The following C3AR1 variants were observed in gnomAD, a reference collection of about 807,000 sequenced individuals.
C3AR1 encodes the protein C3a anaphylatoxin chemotactic receptor.
For missense variants in C3AR1, 579 were observed against 583.5 expected (o/e 0.99, Z 0.08); for synonymous variants, 208 against 225.3 (o/e 0.92, Z 0.69).
intron 1 of C3AR1, among the ~76,000 whole-genome samples, chr12:8,064,409 T>C (rs772670799): frequency 6.6e-6 from 1 of 152,056 alleles, no homozygotes; most frequent in Admixed American, 6.5e-5. Context: ...AAAGAAGACA[T>C]GGGCTGGGCA....
At chr12:8,060,793 T>A (rs1317391803) in intron 1 of C3AR1, among the ~76,000 whole-genome samples, 1 of 152,230 alleles carries the variant, frequency 6.6e-6, no homozygotes, top group Non-Finnish European at 1.5e-5. Flanking sequence ...CTCCTCTTTC[T>A]TGTACTTTCA....
At chr12:8,063,247 G>A (rs1947295789) in intron 1 of C3AR1, among the ~76,000 whole-genome samples, 1 of 151,824 alleles carries the variant, frequency 6.6e-6, no homozygotes, top group South Asian at 2.1e-4. Flanking sequence ...TGAGCCACCA[G>A]GCCCGGCCGG....
At chr12:8,062,949 CTTTTTTTTTTT>C (rs71451936) in intron 1 of C3AR1, among the ~76,000 whole-genome samples, 21 of 56,324 alleles carry the variant, frequency 3.7e-4, no homozygotes, top group East Asian at 5.0e-4. Flanking sequence ...GCGCCCGGCC[CTTTTTTTTTTT>C]TTTTTTTTTT....
At position 8,063,670 on chromosome 12, in the gene C3AR1, A is replaced by C. The variant is rs181449849; in HGVS notation, c.-11+2608T>G. On this transcript the variant is annotated intron_variant, in intron 1 of 1. Coordinates refer to ENST00000307637, the MANE Select transcript of C3AR1 (RefSeq NM_004054.4). ...TGTACAATAATTATAATGGCTGTCTAATCTATTATTCTGGATTTAAACTTT... is the reference window on the plus strand; with the variant it reads ...TGTACAATAATTATAATGGCTGTCTCATCTATTATTCTGGATTTAAACTTT... Among the ~76,000 whole-genome samples, 864 of 152,216 alleles carry C rather than the reference A, an allele frequency of 5.7e-3. 8 individuals are homozygous for C. Among genetic ancestry groups the C allele is most frequent in the African/African-American group, 0.02 (821 of 41,512 alleles).
At position 8,056,892 on chromosome 12, in the gene C3AR1, A is replaced by G. The variant is rs1947194798; in HGVS notation, c.*1845T>C. On this transcript the variant is annotated 3_prime_UTR_variant, in exon 2 of 2. Transcript: ENST00000307637. ...AGGACCCATGAGAAAAAAAGCATTT[A>G]TTCATATCAAATATATAAGCAAATT... Among the ~76,000 whole-genome samples the G allele has an allele frequency of 6.6e-6, 1 of 152,228 alleles. No individual in the cohort carries two copies. The highest frequency in any genetic ancestry group is 6.6e-5 in the Admixed American group (1 of 15,264).
chr12:8,059,643 T>C lies in C3AR1; in HGVS notation c.543A>G (p.Ser181=). The part of the protein sequence containing the change: ...RCGYKFGLSS[S]LDYPDFYGDP... ...CTCCATAAAAGTCTGGATAATCTAA[T>C]GAGCTGGAGAGACCAAATTTGTAGC... The change falls in exon 2 of 2, where the codon TCA becomes TCG. Residue 181 remains serine, a synonymous_variant. Coordinates refer to ENST00000307637, the MANE Select transcript of C3AR1 (RefSeq NM_004054.4). The C allele has an allele frequency of 6.2e-7, 1 of 1,614,162 alleles. No homozygotes were observed. The highest frequency in any genetic ancestry group is 8.5e-7 in the Non-Finnish European group (1 of 1,180,012).
chr12:8,064,450 T>C (rs931550794), intron 1 of C3AR1, among the ~76,000 whole-genome samples: 1 of 152,176 alleles, frequency 6.6e-6, no homozygotes, highest in Non-Finnish European at 1.5e-5. Flanking sequence ...CCCAGCACTT[T>C]GGGAAGCCAA....
intron 1 of C3AR1, among the ~76,000 whole-genome samples, chr12:8,065,448 T>A (rs908453983): frequency 5.3e-5 from 8 of 151,846 alleles, no homozygotes; most frequent in Non-Finnish European, 1.0e-4. Flanking sequence ...GTCAGGAGTT[T>A]GAGACCAACC....
At position 8,058,457 on chromosome 12, in the gene C3AR1, A is replaced by G. The variant is rs749705950; in HGVS notation, c.*280T>C. On this transcript the variant is annotated 3_prime_UTR_variant, in exon 2 of 2. Coordinates refer to ENST00000307637, the MANE Select transcript of C3AR1 (RefSeq NM_004054.4). ...AACTAATGTTTACAATGATTCTTAC[A>G]TTTAGCATTAATCAGAAACGAGGGT... 47 of 351,634 alleles carry G rather than the reference A, an allele frequency of 1.3e-4. No homozygotes were observed. The highest frequency in any genetic ancestry group is 9.8e-4 in the African/African-American group (47 of 48,136). 21.8% of individuals were successfully genotyped at this position (351,634 alleles called of 1,614,324 possible).
At chr12:8,062,417 G>A (rs971905378) in intron 1 of C3AR1, among the ~76,000 whole-genome samples, 5 of 151,776 alleles carry the variant, frequency 3.3e-5, no homozygotes, top group African/African-American at 1.2e-4. Flanking sequence ...ATTCTTCCTC[G>A]GCCTCCCGAA....
chr12:8,057,971 G>C lies in C3AR1; in HGVS notation c.*766C>G, dbSNP rs1031618961. Among the ~76,000 whole-genome samples the C allele has an allele frequency of 6.6e-6, 1 of 152,156 alleles. No homozygotes were observed. The highest frequency in any genetic ancestry group is 1.5e-5 in the Non-Finnish European group (1 of 68,032). On this transcript the variant is annotated 3_prime_UTR_variant, in exon 2 of 2. Coordinates refer to ENST00000307637, the MANE Select transcript of C3AR1 (RefSeq NM_004054.4). ...AGGAGTGGAAAATAGGTGCCCAACC[G>C]GTAGGCAGTTAGAAGAAACAGAACT...
Position 8,057,663 on chromosome 12 carries a change from G to T in C3AR1, c.*1074C>A, listed in dbSNP as rs139548603. The stretch of plus-strand genomic sequence containing the variant: ...AGAAAAGGATTTAAAAAACCCAGAA[G>T]ATATATTTGGTAATTTTGGCATGTA... On this transcript the variant is annotated 3_prime_UTR_variant, in exon 2 of 2. Coordinates refer to ENST00000307637, the MANE Select transcript of C3AR1 (RefSeq NM_004054.4). 1.2e-4 allele frequency among the ~76,000 whole-genome samples: 19 copies of T among 152,278 alleles called. No homozygotes were observed. The East Asian group carries it at 3.7e-3, about 29-fold the overall frequency.
Position 8,059,402 on chromosome 12 carries a change from C to G in C3AR1, c.784G>C (p.Ala262Pro), listed in dbSNP as rs1947241754. 9 of 1,613,954 alleles carry G rather than the reference C, an allele frequency of 5.6e-6. No homozygotes were observed. In the East Asian group the frequency reaches 2.0e-4, roughly 36 times the overall value. The change falls in exon 2 of 2, where the codon GCT becomes CCT. Residue 262 changes from alanine to proline, a missense_variant. Physicochemically the swap from Ala to Pro is conservative, Grantham distance 27. Transcript: ENST00000307637. ...QNLYSNVFKP[A>P]DVVSPKIPSG... ...GGGATTTTAGGTGAGACCACATCAG[C>G]AGGTTTAAATACATTAGAATACAGA... is the stretch of plus-strand genomic sequence containing the variant.
At chr12:8,062,133 C>T (rs772371202) in intron 1 of C3AR1, among the ~76,000 whole-genome samples, 4 of 152,184 alleles carry the variant, frequency 2.6e-5, no homozygotes, top group Non-Finnish European at 5.9e-5. Context: ...GAATAATATT[C>T]CATTGTAGGT....
In C3AR1 at chr12:8,057,564, G is replaced by A. The variant is rs1017210311; in HGVS notation, c.*1173C>T. On this transcript the variant is annotated 3_prime_UTR_variant, in exon 2 of 2. Transcript: ENST00000307637. ...AGGAGGGAACTTTTGGGCACAGTGA[G>A]GTAGGAGACCTCATATTTCATTATA... 4.6e-5 allele frequency among the ~76,000 whole-genome samples: 7 copies of A among 152,202 alleles called. No individual in the cohort carries two copies. The highest frequency in any genetic ancestry group is 1.2e-4 in the African/African-American group (5 of 41,512).
intron 1 of C3AR1, among the ~76,000 whole-genome samples, chr12:8,063,328 C>T (rs1286392187): frequency 1.3e-5 from 2 of 152,082 alleles, no homozygotes; most frequent in African/African-American, 2.4e-5. Flanking sequence ...TTCTAAAAAC[C>T]AAATCCAAAC....
chr12:8,059,045 C>G lies in C3AR1; in HGVS notation c.1141G>C (p.Val381Leu). Reference sequence around the variant, plus strand: ...CAGACAAGAAAGACAGCCACCACCACCACGGCCACTCGAAAGGTTTTGCTC... The same window carrying G: ...CAGACAAGAAAGACAGCCACCACCAGCACGGCCACTCGAAAGGTTTTGCTC... ...SQSKTFRVAVVVVAVFLVCWT... is the reference protein window; with the variant it reads ...SQSKTFRVAVLVVAVFLVCWT... Residue 381 changes from valine (V) to leucine (L), a missense_variant, in exon 2 of 2, where the codon GTG becomes CTG. Physicochemically the swap from Val to Leu is conservative, Grantham distance 32. Transcript: ENST00000307637. 6.2e-7 allele frequency: 1 copy of G among 1,614,186 alleles called. No homozygotes were observed. Among genetic ancestry groups the G allele is most frequent in the Non-Finnish European group, 8.5e-7 (1 of 1,180,038 alleles).
At position 8,059,797 on chromosome 12, in the gene C3AR1, C is replaced by T; in HGVS notation, c.389G>A (p.Cys130Tyr). The T allele has an allele frequency of 1.9e-6, 3 of 1,614,124 alleles. No homozygotes were observed. The highest frequency in any genetic ancestry group is 2.2e-5 in the South Asian group (2 of 91,066). Residue 130 changes from cysteine (C) to tyrosine (Y), a missense_variant, in exon 2 of 2, where the codon TGT (cysteine) becomes TAT (tyrosine). Cys to Tyr is a radical substitution (Grantham distance 194). Coordinates refer to ENST00000307637, the MANE Select transcript of C3AR1 (RefSeq NM_004054.4). ...CATCCCTACATTGCGATGATTCTGACACCAGATTGGCTTGAATACCACAAG... is the reference window on the plus strand; with the variant it reads ...CATCCCTACATTGCGATGATTCTGATACCAGATTGGCTTGAATACCACAAG... Reference protein sequence around the residue: ...RCLVVFKPIWCQNHRNVGMAC... With the variant: ...RCLVVFKPIWYQNHRNVGMAC...
At position 8,058,561 on chromosome 12, in the gene C3AR1, T is replaced by C; in HGVS notation, c.*176A>G. ...CTGGGATGCGGCTTGAGAATTTGCA[T>C]TTCTAACAAGTTTCTAGGTGATGCT... On this transcript the variant is annotated 3_prime_UTR_variant, in exon 2 of 2. Coordinates refer to ENST00000307637, the MANE Select transcript of C3AR1 (RefSeq NM_004054.4). 5.7e-6 allele frequency: 4 copies of C among 702,818 alleles called. No homozygotes were observed. Among genetic ancestry groups the C allele is most frequent in the Non-Finnish European group, 9.2e-6 (4 of 436,384 alleles). The allele number at this position is 702,818 out of a possible 1,614,324, so 43.5% of individuals were successfully genotyped here.
Sources: allele counts gnomAD v4.1 joint callset (sites outside exome capture counted in the v4.1 genomes callset), GRCh38; gene constraint gnomAD v4.1.1; transcripts MANE v1.5; gene names NCBI Gene and HGNC (gene_info 2026-07-23, HGNC 2026-07-21).